The following TRIM2 variants were observed in gnomAD, a reference collection of about 807,000 sequenced individuals.
The protein encoded by TRIM2 is tripartite motif-containing protein 2.
TRIM2 carries 20 observed loss-of-function variants against 75.2 expected under a neutral mutation model. The observed-to-expected ratio is 0.27, with a 90% CI of 0.19 to 0.39. TRIM2 has a LOEUF of 0.39. Among genes scored for constraint, TRIM2 ranks in the 10% least tolerant of loss-of-function variants. The probability of loss-of-function intolerance (pLI) is 1.00; values close to 1 mark genes in which losing one functional copy is unlikely to be tolerated. For missense variants in TRIM2, 660 were observed against 990.8 expected, an observed-to-expected ratio of 0.67 and a Z score of 4.48; for synonymous variants, 373 against 388.3, an observed-to-expected ratio of 0.96 and a Z score of 0.46.
intron 1 of TRIM2, among the ~76,000 whole-genome samples, chr4:153,244,363 C>CCTG (rs1748135234): frequency 2.7e-5 from 1 of 36,372 alleles, no homozygotes; most frequent in South Asian, 1.1e-3. Context: ...TCCTCTTCTT[C>CCTG]TTCTTCTTCT....
In TRIM2 at chr4:153,335,606, T is replaced by G. The variant is rs992033966; in HGVS notation, c.*640T>G. On this transcript the variant is annotated 3_prime_UTR_variant, in exon 12 of 12. Coordinates refer to ENST00000338700, the MANE Select transcript of TRIM2 (RefSeq NM_015271.5). ...TTCTGGGTTAGACAAAGATCCTTTT[T>G]TGTGTGTTCTTTTCACCACCCCTTT... The G allele has an allele frequency of 1.0e-6, 1 of 985,340 alleles. No homozygotes were observed. Among genetic ancestry groups the G allele is most frequent in the Admixed American group, 6.2e-5 (1 of 16,260 alleles). 61.0% of individuals were successfully genotyped at this position (985,340 alleles called of 1,614,324 possible).
intron 1 of TRIM2, among the ~76,000 whole-genome samples, chr4:153,216,287 A>G (rs1440847800): frequency 2.0e-5 from 3 of 152,238 alleles, no homozygotes; most frequent in African/African-American, 7.2e-5. Context: ...AAATATTACA[A>G]GAAAGTATGC....
At chr4:153,178,585 A>T (rs1731718463) in intron 1 of TRIM2, among the ~76,000 whole-genome samples, 1 of 152,114 alleles carries the variant, frequency 6.6e-6, no homozygotes, top group Non-Finnish European at 1.5e-5. Flanking sequence ...GATAATAAAC[A>T]GTGTTTTTGG....
At chr4:153,244,359 T>TC (rs1748117281) in intron 1 of TRIM2, among the ~76,000 whole-genome samples, 3 of 24,126 alleles carry the variant, frequency 1.2e-4, no homozygotes, top group East Asian at 2.6e-3. Flanking sequence ...TTCTTCCTCT[T>TC]CTTCTTCTTC....
chr4:153,269,690 C>T (rs895862068), intron 1 of TRIM2, among the ~76,000 whole-genome samples: 4 of 152,104 alleles, frequency 2.6e-5, no homozygotes, highest in Non-Finnish European at 5.9e-5. Context: ...GCAGACATAG[C>T]TATATAAAGT....
intron 1 of TRIM2, among the ~76,000 whole-genome samples, chr4:153,172,932 C>T (rs564498710): frequency 9.2e-5 from 14 of 152,264 alleles, no homozygotes; most frequent in Admixed American, 2.6e-4. Flanking sequence ...GGTAGAAGGG[C>T]TCCTTGGGGC....
Position 153,331,652 on chromosome 4 carries a change from G to A in TRIM2, c.2163+2982G>A, listed in dbSNP as rs550853405. 4.5e-4 allele frequency among the ~76,000 whole-genome samples: 69 copies of A among 152,260 alleles called. 1 individual carries two copies. The highest frequency in any genetic ancestry group is 1.6e-3 in the African/African-American group (67 of 41,558). On this transcript the variant is annotated intron_variant, in intron 11 of 11. Transcript: ENST00000338700. ...TCTTATTTTAAAATTTATATGGCAA[G>A]GCAAAGGAAATAGCTAAAACAATTT... is the stretch of plus-strand genomic sequence containing the variant.
At chr4:153,222,094 TCC>T (rs1740733010) in intron 1 of TRIM2, 2 of 66,614 alleles carry the variant, frequency 3.0e-5, no homozygotes, top group Admixed American at 3.7e-4. Flanking sequence ...AGAGGAAGGG[TCC>T]CTACTCCAAC....
intron 6 of TRIM2, among the ~76,000 whole-genome samples, chr4:153,313,527 G>C (rs1045207337): frequency 6.6e-6 from 1 of 151,814 alleles, no homozygotes; most frequent in African/African-American, 2.4e-5. Flanking sequence ...TTCCCAAACA[G>C]TGCTTAAGCA....
At chr4:153,182,598 C>T (rs1732182773) in intron 1 of TRIM2, among the ~76,000 whole-genome samples, 1 of 152,176 alleles carries the variant, frequency 6.6e-6, no homozygotes, top group African/African-American at 2.4e-5. Flanking sequence ...GCAGGAACCA[C>T]TCAGTATTCA....
chr4:153,287,976 C>T (rs1369511325), intron 3 of TRIM2, among the ~76,000 whole-genome samples: 1 of 152,070 alleles, frequency 6.6e-6, no homozygotes, highest in Non-Finnish European at 1.5e-5. Context: ...GCAACAGACA[C>T]TCAGTTTTTG....
intron 10 of TRIM2, among the ~76,000 whole-genome samples, chr4:153,325,521 C>T (rs1359737630): frequency 6.6e-6 from 1 of 152,160 alleles, no homozygotes; most frequent in South Asian, 2.1e-4. Context: ...CAGCAGTAAC[C>T]GGGCTGGGGA....
At chr4:153,153,500 G>A (rs1728923939) in intron 1 of TRIM2, among the ~76,000 whole-genome samples, 1 of 152,198 alleles carries the variant, frequency 6.6e-6, no homozygotes, top group Non-Finnish European at 1.5e-5. Flanking sequence ...AGGGTTGCCA[G>A]CGCCGGGCTT....
intron 6 of TRIM2, among the ~76,000 whole-genome samples, chr4:153,296,313 A>G (rs533035111): frequency 2.0e-5 from 3 of 152,346 alleles, no homozygotes; most frequent in Admixed American, 2.0e-4. Flanking sequence ...TCATTGTAGG[A>G]AATTACAAGC....
At position 153,335,534 on chromosome 4, in the gene TRIM2, G is replaced by T; in HGVS notation, c.*568G>T. 1 of 985,376 alleles carries T rather than the reference G, an allele frequency of 1.0e-6. No homozygotes were observed. Among genetic ancestry groups the T allele is most frequent in the South Asian group, 4.7e-5 (1 of 21,286 alleles). 61.0% of individuals were successfully genotyped at this position (985,376 alleles called of 1,614,324 possible). A position where few individuals can be genotyped will look rare whatever the true frequency, so the allele number is the denominator to read the frequency against. On this transcript the variant is annotated 3_prime_UTR_variant, in exon 12 of 12. Coordinates refer to ENST00000338700, the MANE Select transcript of TRIM2 (RefSeq NM_015271.5). ...AAAATGATCCCAGCTCTGATTAGCA[G>T]CCCTCTGGAGTTCAGAACTTAAGTA...
upstream of TRIM2, among the ~76,000 whole-genome samples, chr4:153,200,662 G>T (rs992574742): frequency 6.7e-5 from 10 of 150,014 alleles, no homozygotes; most frequent in African/African-American, 2.0e-4. Flanking sequence ...CAATGTACCA[G>T]GGTTCTTGTT....
In TRIM2 at chr4:153,315,739, G is replaced by T. The variant is rs963295684; in HGVS notation, c.1615-93G>T. The T allele has an allele frequency of 2.6e-6, 4 of 1,514,940 alleles. No homozygotes were observed. The African/African-American group carries it at 5.5e-5, about 21-fold the overall frequency. 93.8% of individuals were successfully genotyped at this position (1,514,940 alleles called of 1,614,324 possible). The stretch of plus-strand genomic sequence containing the variant: ...TCTTCAAATAGAGTTTGCGTGTTCT[G>T]ATCTCTGTATGTATGGCAGATGTTT... On this transcript the variant is annotated intron_variant, in intron 7 of 11. Coordinates refer to ENST00000338700, the MANE Select transcript of TRIM2 (RefSeq NM_015271.5).
intron 1 of TRIM2, among the ~76,000 whole-genome samples, chr4:153,157,864 C>T (rs964123527): frequency 1.3e-5 from 2 of 152,210 alleles, no homozygotes; most frequent in East Asian, 1.9e-4. Context: ...ATGAGACCAA[C>T]CTTGGGGATC....
rs1454576459 is a variant in TRIM2, at chr4:153,210,013, A to G, written c.30+5453A>G. ...TGCTTTTCAAGATACTTTCAAATCC[A>G]TATAGTTTTCCAAGATATTCCTAGT... is the stretch of plus-strand genomic sequence containing the variant. On this transcript the variant is annotated intron_variant, in intron 1 of 11. Coordinates refer to ENST00000338700, the MANE Select transcript of TRIM2 (RefSeq NM_015271.5). 2.6e-5 allele frequency among the ~76,000 whole-genome samples: 4 copies of G among 151,476 alleles called. No individual in the cohort carries two copies. The East Asian group carries it at 7.8e-4, about 29-fold the overall frequency.
Sources: gnomAD v4.1 joint callset for allele counts (sites outside exome capture counted in the v4.1 genomes callset) on GRCh38, gnomAD v4.1.1 for gene constraint, MANE v1.5 for transcripts, NCBI Gene and HGNC (gene_info 2026-07-23, HGNC 2026-07-21) for gene names.